Variants in TAFA1 observed in about 807,000 individuals in gnomAD.
The protein encoded by TAFA1 is TAFA chemokine like family member 1.
TAFA1 carries 4 observed loss-of-function variants against 18.5 expected under a neutral mutation model. That is an observed-to-expected ratio of 0.22 (90% CI 0.11 to 0.49). The LOEUF (loss-of-function observed/expected upper bound fraction) is 0.49, where lower values mean the gene tolerates loss of function less well. Among genes scored for constraint, TAFA1 ranks in the 20% least tolerant of loss-of-function variants. The pLI, the probability that TAFA1 is intolerant of heterozygous loss-of-function variation, is 0.98. For missense variants in TAFA1, 147 were observed against 169.0 expected (o/e 0.87, Z 0.72); for synonymous variants, 56 against 55.2 (o/e 1.01, Z -0.06).
Position 68,494,846 on chromosome 3 carries a change from G to A in TAFA1, c.260-43910G>A, listed in dbSNP as rs1373983511. Reference sequence around the variant, plus strand: ...AAACATACAATGCACTTAAAATAGTGCCTGGCACAAATAATGTGCTTTAAA... The same window carrying A: ...AAACATACAATGCACTTAAAATAGTACCTGGCACAAATAATGTGCTTTAAA... On this transcript the variant is annotated intron_variant, in intron 3 of 4. Coordinates refer to ENST00000478136, the MANE Select transcript of TAFA1 (RefSeq NM_213609.4). Among the ~76,000 whole-genome samples, 4 of 152,256 alleles carry A rather than the reference G, an allele frequency of 2.6e-5. 1 individual carries two copies. The highest frequency in any genetic ancestry group is 4.1e-4 in the South Asian group (2 of 4,826).
intron 3 of TAFA1, among the ~76,000 whole-genome samples, chr3:68,519,529 A>G (rs915688065): frequency 6.6e-6 from 1 of 152,234 alleles, no homozygotes; most frequent in South Asian, 2.1e-4. Flanking sequence ...ATTCATATGT[A>G]TGTGCTATAG....
Position 68,254,359 on chromosome 3 carries a change from T to C in TAFA1, c.119-162921T>C, listed in dbSNP as rs114218639. Among the ~76,000 whole-genome samples, 735 of 152,092 alleles carry C rather than the reference T, an allele frequency of 4.8e-3. 4 individuals carry two copies. Among genetic ancestry groups the C allele is most frequent in the African/African-American group, 0.017 (698 of 41,490 alleles). On this transcript the variant is annotated intron_variant, in intron 2 of 4. Coordinates refer to ENST00000478136, the MANE Select transcript of TAFA1 (RefSeq NM_213609.4). ...ATCAAAATTGAACCACCTAAGACGA[T>C]TGTTAGTGGAAGTATAGTAATTAGA... is the stretch of plus-strand genomic sequence containing the variant.
intron 2 of TAFA1, among the ~76,000 whole-genome samples, chr3:68,292,429 A>AAC (rs1282281970): frequency 6.6e-6 from 1 of 151,522 alleles, no homozygotes; most frequent in Admixed American, 6.6e-5. Flanking sequence ...AAAAACAAAA[A>AAC]AAAAAACCCA....
At chr3:68,516,065 C>G (rs933787972) in intron 3 of TAFA1, among the ~76,000 whole-genome samples, 1 of 152,190 alleles carries the variant, frequency 6.6e-6, no homozygotes, top group Non-Finnish European at 1.5e-5. Flanking sequence ...TGAGAGAGTA[C>G]CTCTATGCAT....
intron 2 of TAFA1, among the ~76,000 whole-genome samples, chr3:68,141,324 T>C (rs184310473): frequency 6.6e-6 from 1 of 152,320 alleles, no homozygotes; most frequent in East Asian, 1.9e-4. Context: ...AGCCCAGCTA[T>C]ACATAATATA....
At chr3:68,153,193 A>G (rs2065828016) in intron 2 of TAFA1, among the ~76,000 whole-genome samples, 1 of 152,228 alleles carries the variant, frequency 6.6e-6, no homozygotes, top group Admixed American at 6.6e-5. Flanking sequence ...TTTAAATGAT[A>G]CAAAATCTAA....
chr3:68,163,428 T>C (rs774159588), intron 2 of TAFA1, among the ~76,000 whole-genome samples: 5 of 152,218 alleles, frequency 3.3e-5, no homozygotes, highest in Non-Finnish European at 7.3e-5. Flanking sequence ...TCTGATGAAG[T>C]TGATGCTGCA....
rs147466767 is a variant in TAFA1 at position 68,156,053 on chromosome 3, G to C, written c.118+149309G>C. On this transcript the variant is annotated intron_variant, in intron 2 of 4. Coordinates refer to ENST00000478136, the MANE Select transcript of TAFA1 (RefSeq NM_213609.4). ...CCCCAGGGTCAAGCAGACTGTATTT[G>C]GCCCAAGGGTACCGTTTCTGACATC... Among the ~76,000 whole-genome samples the C allele has an allele frequency of 2.4e-3, 369 of 152,172 alleles. 2 individuals are homozygous for C. The highest frequency in any genetic ancestry group is 3.5e-3 in the Non-Finnish European group (241 of 68,000).
intron 2 of TAFA1, among the ~76,000 whole-genome samples, chr3:68,066,695 A>G (rs1254654982): frequency 2.6e-5 from 4 of 152,164 alleles, no homozygotes; most frequent in African/African-American, 4.8e-5. Flanking sequence ...ATAATTTCTG[A>G]TTTTCACAAG....
At chr3:68,506,774 CA>C (rs1435924696) in intron 3 of TAFA1, among the ~76,000 whole-genome samples, 1 of 152,052 alleles carries the variant, frequency 6.6e-6, no homozygotes, top group Non-Finnish European at 1.5e-5. Context: ...ACAAATTTGT[CA>C]GATGAAATGT....
chr3:68,430,430 T>A (rs1187424197), intron 3 of TAFA1, among the ~76,000 whole-genome samples: 1 of 151,978 alleles, frequency 6.6e-6, no homozygotes, highest in Admixed American at 6.6e-5. Flanking sequence ...CAATAAATAG[T>A]GTAGTAATTA....
In TAFA1 at chr3:68,450,347, G is replaced by T. The variant is rs1345255750; in HGVS notation, c.259+32927G>T. ...CATGTTGAGCTGGAGATAAAGTTGG[G>T]ACATATATTTAGCAATGTTTAACAG... On this transcript the variant is annotated intron_variant, in intron 3 of 4. Transcript: ENST00000478136. Among the ~76,000 whole-genome samples the T allele has an allele frequency of 2.0e-5, 3 of 152,164 alleles. No individual in the cohort carries two copies. The South Asian group carries it at 6.2e-4, about 31-fold the overall frequency.
intron 2 of TAFA1, among the ~76,000 whole-genome samples, chr3:68,410,665 A>T (rs1323035981): frequency 7.6e-6 from 1 of 131,600 alleles, no homozygotes; most frequent in Non-Finnish European, 1.6e-5. Flanking sequence ...AGATCTACAG[A>T]TCCTGGGTGA....
At chr3:68,026,270 G>T (rs78213632) in intron 2 of TAFA1, among the ~76,000 whole-genome samples, 1 of 152,052 alleles carries the variant, frequency 6.6e-6, no homozygotes, top group East Asian at 1.9e-4. Flanking sequence ...AAGATGAGGT[G>T]ACTGGTCCAG....
At chr3:68,292,808 G>A (rs1225103519) in intron 2 of TAFA1, among the ~76,000 whole-genome samples, 1 of 152,156 alleles carries the variant, frequency 6.6e-6, no homozygotes, top group Non-Finnish European at 1.5e-5. Context: ...CTCCCAAAAT[G>A]CTGGGATTAC....
At chr3:68,207,467 A>C (rs756077070) in intron 2 of TAFA1, among the ~76,000 whole-genome samples, 1 of 151,924 alleles carries the variant, frequency 6.6e-6, no homozygotes, top group Non-Finnish European at 1.5e-5. Context: ...TAGTGAAGTG[A>C]GAAACTTCAC....
intron 3 of TAFA1, among the ~76,000 whole-genome samples, chr3:68,450,572 T>G (rs1301485580): frequency 6.6e-6 from 1 of 152,066 alleles, no homozygotes; most frequent in Non-Finnish European, 1.5e-5. Context: ...AAAAGGACCC[T>G]CCAAACACCA....
At chr3:68,313,635 C>T (rs563826013) in intron 2 of TAFA1, among the ~76,000 whole-genome samples, 32 of 152,132 alleles carry the variant, frequency 2.1e-4, no homozygotes, top group Non-Finnish European at 3.5e-4. Context: ...GAATTGTATC[C>T]CCTCAGATGT....
At chr3:68,008,215 G>A (rs1476685505) in intron 2 of TAFA1, among the ~76,000 whole-genome samples, 1 of 152,244 alleles carries the variant, frequency 6.6e-6, no homozygotes, top group Non-Finnish European at 1.5e-5. Context: ...TGAGCCTGGC[G>A]CGGGAACCGC....
Sources: gnomAD v4.1 joint callset for allele counts (sites outside exome capture counted in the v4.1 genomes callset) on GRCh38, gnomAD v4.1.1 for gene constraint, MANE v1.5 for transcripts, NCBI Gene and HGNC (gene_info 2026-07-23, HGNC 2026-07-21) for gene names.